The following FAM114A2 variants were observed in gnomAD, a reference collection of about 807,000 sequenced individuals.
FAM114A2 encodes the protein protein FAM114A2.
FAM114A2 carries 53 observed loss-of-function variants against 58.4 expected under a neutral mutation model. That is an observed-to-expected ratio of 0.91 (90% confidence interval 0.73 to 1.14). The LOEUF (loss-of-function observed/expected upper bound fraction) is 1.14, where lower values mean the gene tolerates loss of function less well. FAM114A2 is among the 50% of genes most tolerant of loss of function. The pLI, the probability that FAM114A2 is intolerant of heterozygous loss-of-function variation, is 0.00. For missense variants in FAM114A2, 601 were observed against 581.1 expected (o/e 1.03, Z -0.35); for synonymous variants, 228 against 211.4 (o/e 1.08, Z -0.68).
At chr5:154,013,914 T>C (rs1028650133) in intron 8 of FAM114A2, among the ~76,000 whole-genome samples, 4 of 152,354 alleles carry the variant, frequency 2.6e-5, no homozygotes, top group Non-Finnish European at 1.5e-5. Flanking sequence ...ATATTAAATA[T>C]AGTATTTCAT....
chr5:154,005,529 A>T (rs1770294312), intron 9 of FAM114A2, among the ~76,000 whole-genome samples: 2 of 152,200 alleles, frequency 1.3e-5, no homozygotes, highest in Non-Finnish European at 2.9e-5. Context: ...CACCATATGG[A>T]AAAGCTTCCC....
chr5:153,996,795 G>A (rs973645117), intron 12 of FAM114A2, among the ~76,000 whole-genome samples: 5 of 151,774 alleles, frequency 3.3e-5, no homozygotes, highest in South Asian at 2.1e-4. Flanking sequence ...TCGGGAGTTC[G>A]AGACCAGCTT....
chr5:153,998,929 G>T (rs1252269589), intron 11 of FAM114A2, among the ~76,000 whole-genome samples: 1 of 152,194 alleles, frequency 6.6e-6, no homozygotes, highest in African/African-American at 2.4e-5. Context: ...TCTTCACTTA[G>T]TAAGAAAAAC....
At chr5:154,014,106 C>T (rs1286452189) in intron 8 of FAM114A2, among the ~76,000 whole-genome samples, 1 of 152,182 alleles carries the variant, frequency 6.6e-6, no homozygotes, top group African/African-American at 2.4e-5. Flanking sequence ...TTCTCAATAT[C>T]TCAAGGCAGC....
chr5:154,018,615 T>C (rs556500047), intron 8 of FAM114A2, among the ~76,000 whole-genome samples: 1 of 152,182 alleles, frequency 6.6e-6, no homozygotes, highest in East Asian at 1.9e-4. Flanking sequence ...AAAAGAAAAC[T>C]ACAAACCAAT....
Position 154,033,817 on chromosome 5 carries a change from A to G in FAM114A2, c.377T>C (p.Ile126Thr). Residue 126 changes from isoleucine to threonine, a missense_variant, in exon 4 of 14, where the codon ATT becomes ACT. Physicochemically the swap from Ile to Thr is moderately conservative, Grantham distance 89. Transcript: ENST00000351797. ...TSLGIPGPSE[I>T]STEVKYVAGE... is the part of the protein sequence containing the mutation. ...TGCTACATACTTGACTTCAGTTGAAATTTCACTGGGACCAGGGATTCCAAG... is the reference window on the plus strand; with the variant it reads ...TGCTACATACTTGACTTCAGTTGAAGTTTCACTGGGACCAGGGATTCCAAG... The G allele has an allele frequency of 6.2e-7, 1 of 1,605,928 alleles. No homozygotes were observed. Among genetic ancestry groups the G allele is most frequent in the Non-Finnish European group, 8.5e-7 (1 of 1,172,774 alleles).
In FAM114A2 at chr5:153,997,877, T is replaced by C; in HGVS notation, c.1257-2A>G. On this transcript the variant is annotated splice_acceptor_variant, in intron 11 of 13. Transcript: ENST00000351797. LOFTEE classifies it high-confidence loss of function. ...TCTTTACACAACACAATTGTCATCC[T>C]AGGAAAGAAAGGAAAAGTCAGAAAC... is the stretch of plus-strand genomic sequence containing the variant. 1 of 1,575,222 alleles carries C rather than the reference T, an allele frequency of 6.3e-7. No individual in the cohort carries two copies. The highest frequency in any genetic ancestry group is 8.7e-7 in the Non-Finnish European group (1 of 1,153,432).
intron 8 of FAM114A2, among the ~76,000 whole-genome samples, chr5:154,021,535 C>A (rs1052083898): frequency 1.3e-5 from 2 of 152,128 alleles, no homozygotes; most frequent in Admixed American, 1.3e-4. Context: ...CATGAGTGAA[C>A]TCCCATTCAC....
chr5:154,033,381 T>C lies in FAM114A2; in HGVS notation c.403+410A>G, dbSNP rs553497417. Reference sequence around the variant, plus strand: ...ATTAAACGTAGTCTTCATAAAAATCTGAACACAAAAGGAATACACCCCCAA... The same window carrying C: ...ATTAAACGTAGTCTTCATAAAAATCCGAACACAAAAGGAATACACCCCCAA... On this transcript the variant is annotated intron_variant, in intron 4 of 13. Coordinates refer to ENST00000351797, the MANE Select transcript of FAM114A2 (RefSeq NM_018691.4). 2.6e-5 allele frequency among the ~76,000 whole-genome samples: 4 copies of C among 152,328 alleles called. No individual in the cohort carries two copies. The South Asian group carries it at 8.3e-4, about 32-fold the overall frequency.
Position 154,002,826 on chromosome 5 carries a change from AG to A in FAM114A2, c.1116+20del. 1 of 1,613,508 alleles carries A rather than the reference AG, an allele frequency of 6.2e-7. No individual in the cohort carries two copies. The highest frequency in any genetic ancestry group is 1.7e-4 in the Middle Eastern group (1 of 6,054). ...TCAAATCTACTAAAACAAACAAAAA[AG>A]GCTTAGTTGCTTTGGCTACCTCTAT... On this transcript the variant is annotated intron_variant, in intron 10 of 13. Transcript: ENST00000351797.
At chr5:154,033,219 C>G (rs1029026496) in intron 4 of FAM114A2, among the ~76,000 whole-genome samples, 2 of 152,266 alleles carry the variant, frequency 1.3e-5, no homozygotes, top group Non-Finnish European at 2.9e-5. Flanking sequence ...CAATAAAGCC[C>G]ATGAGAGATG....
At chr5:154,011,366 G>A (rs374453822) in intron 8 of FAM114A2, 46 bp from the exon 9 acceptor site, 3 of 1,342,356 alleles carry the variant, frequency 2.2e-6, no homozygotes, top group Non-Finnish European at 3.2e-6. Context: ...AGACTGCTGA[G>A]GATCATGAGG....
At chr5:154,011,112 T>C (rs1387446167) in intron 9 of FAM114A2, 129 bp downstream of exon 9, 5 of 669,152 alleles carry the variant, frequency 7.5e-6, no homozygotes, top group Non-Finnish European at 1.0e-5. Flanking sequence ...CAGAACCCAA[T>C]TCTGGGTATA....
At chr5:154,018,610 A>G (rs6882529) in intron 8 of FAM114A2, among the ~76,000 whole-genome samples, 478 of 152,310 alleles carry the variant, frequency 3.1e-3, no homozygotes, top group African/African-American at 0.011. Flanking sequence ...ACCAAAAAAG[A>G]AAACTACAAA....
intron 1 of FAM114A2, 92 bp from the exon 2 acceptor site, chr5:154,035,059 C>T: frequency 2.8e-6 from 2 of 722,006 alleles, no homozygotes; most frequent in Middle Eastern, 3.7e-4. Flanking sequence ...ATCATAGATT[C>T]ACATACAAGT....
intron 4 of FAM114A2, 50 bp from the exon 5 acceptor site, chr5:154,029,630 T>C (rs1300725344): frequency 9.9e-7 from 1 of 1,012,940 alleles, no homozygotes; most frequent in Non-Finnish European, 1.6e-6. Flanking sequence ...CCCTTAACTC[T>C]CAGGCTTTAT....
rs139311605 is a variant in FAM114A2 at position 153,999,722 on chromosome 5, T to C, written c.1257-1847A>G. ...AGAATGTAAATTAGTACAACCACTA[T>C]GAAAACCAGTATGAAGATTTTTCAA... On this transcript the variant is annotated intron_variant, in intron 11 of 13. Coordinates refer to ENST00000351797, the MANE Select transcript of FAM114A2 (RefSeq NM_018691.4). Among the ~76,000 whole-genome samples, 183 of 151,848 alleles carry C rather than the reference T, an allele frequency of 1.2e-3. 1 individual carries two copies. The highest frequency in any genetic ancestry group is 2.7e-3 in the South Asian group (13 of 4,816).
chr5:154,028,667 C>A (rs1054590922), intron 5 of FAM114A2, among the ~76,000 whole-genome samples: 1 of 152,170 alleles, frequency 6.6e-6, no homozygotes, highest in Non-Finnish European at 1.5e-5. Context: ...CAAAGCTTCA[C>A]AATGAAATAC....
At chr5:154,016,750 C>A (rs1771065220) in intron 8 of FAM114A2, among the ~76,000 whole-genome samples, 1 of 151,526 alleles carries the variant, frequency 6.6e-6, no homozygotes, top group African/African-American at 2.4e-5. Flanking sequence ...ACAGGCAACA[C>A]AGCACAATGA....
Sources: allele counts gnomAD v4.1 joint callset (sites outside exome capture counted in the v4.1 genomes callset), GRCh38; gene constraint gnomAD v4.1.1; transcripts MANE v1.5; gene names NCBI Gene and HGNC (gene_info 2026-07-23, HGNC 2026-07-21).